The following C11orf54 variants were observed in gnomAD, a reference collection of about 807,000 sequenced individuals.
C11orf54 encodes beta-keto-L-gulonate decarboxylase.
In C11orf54, 29 loss-of-function variants were observed where a neutral mutation model predicts 35.5. That is an observed-to-expected ratio of 0.82 (90% confidence interval 0.61 to 1.11). The LOEUF is 1.11. Ranked by LOEUF, C11orf54 falls within the 50% of genes most tolerant of loss-of-function variation. The pLI, the probability that C11orf54 is intolerant of heterozygous loss-of-function variation, is 0.00. For missense variants in C11orf54, 373 were observed against 369.2 expected, an observed-to-expected ratio of 1.01 and a Z score of -0.08; for synonymous variants, 108 against 121.1, an observed-to-expected ratio of 0.89 and a Z score of 0.71.
Position 93,757,465 on chromosome 11 carries a change from GGTAAGA to G in C11orf54, c.657+2_657+7del. The G allele has an allele frequency of 6.3e-7, 1 of 1,597,184 alleles. No individual in the cohort carries two copies. Among genetic ancestry groups the G allele is most frequent in the Non-Finnish European group, 8.5e-7 (1 of 1,179,348 alleles). ...AGGGAAAAGTGAAGTCTCACATTAT[GGTAAGA>G]GCCCATGTGTGCATACATGCATGAA... On this transcript the variant is annotated splice_donor_variant and splice_donor_5th_base_variant and intron_variant, in intron 7 of 8. Coordinates refer to ENST00000354421, the MANE Select transcript of C11orf54 (RefSeq NM_001286069.2). LOFTEE classifies it high-confidence loss of function.
chr11:93,757,533 ATTTTTTT>A, intron 7 of C11orf54, 68 bp downstream of exon 7: 1 of 1,203,400 alleles, frequency 8.3e-7, no homozygotes, highest in Non-Finnish European at 1.1e-6. Flanking sequence ...AGATCTTAGG[ATTTTTTT>A]TTTTTTTTAA....
intron 1 of C11orf54, among the ~76,000 whole-genome samples, chr11:93,744,530 C>T (rs1342875546): frequency 6.6e-6 from 1 of 151,980 alleles, no homozygotes; most frequent in South Asian, 2.1e-4. Context: ...AAGTTAGTAC[C>T]CAATGTTTGC....
chr11:93,747,488 C>G (rs1942538692), intron 2 of C11orf54, 40 bp downstream of exon 2: 1 of 1,487,304 alleles, frequency 6.7e-7, no homozygotes, highest in Non-Finnish European at 9.2e-7. Flanking sequence ...AAAATTATCC[C>G]AAGAGAAAAT....
intron 1 of C11orf54, chr11:93,746,558 A>G (rs1942482291): frequency 6.6e-6 from 1 of 152,222 alleles, no homozygotes; most frequent in Non-Finnish European, 1.5e-5. Flanking sequence ...TTTAGTTGCA[A>G]TGATAGAAAA....
At chr11:93,753,134 C>T (rs528437365) in intron 3 of C11orf54, among the ~76,000 whole-genome samples, 10 of 152,060 alleles carry the variant, frequency 6.6e-5, no homozygotes, top group Non-Finnish European at 1.5e-4. Context: ...AGGCTCCCGC[C>T]ACCATGCCCA....
chr11:93,753,992 T>TGGAGCA lies in C11orf54; in HGVS notation c.294_299dup (p.Ala99_Gly100dup), dbSNP rs1214276830. The TGGAGCA allele has an allele frequency of 6.2e-7, 1 of 1,614,160 alleles. No individual in the cohort carries two copies. On this transcript the variant is annotated inframe_insertion, in exon 5 of 9. Coordinates refer to ENST00000354421, the MANE Select transcript of C11orf54 (RefSeq NM_001286069.2). The stretch of plus-strand genomic sequence containing the variant: ...TCAAGCTGCCTGGAGCCTTTATTCT[T>TGGAGCA]GGAGCAGGAGCAGGTCCATTTCAGA...
chr11:93,745,102 C>CA (rs1388937674), intron 1 of C11orf54, among the ~76,000 whole-genome samples: 1 of 152,222 alleles, frequency 6.6e-6, no homozygotes, highest in African/African-American at 2.4e-5. Flanking sequence ...ATCTCCCCTC[C>CA]AGCCACAGGG....
At chr11:93,757,188 C>T (rs1168192301) in intron 6 of C11orf54, 128 bp from the exon 7 acceptor site, 4 of 978,494 alleles carry the variant, frequency 4.1e-6, no homozygotes, top group Non-Finnish European at 5.8e-6. Context: ...TGCAACATCT[C>T]AACTCAGATC....
intron 3 of C11orf54, among the ~76,000 whole-genome samples, chr11:93,751,368 T>C (rs1340551302): frequency 6.6e-6 from 1 of 151,876 alleles, no homozygotes; most frequent in African/African-American, 2.4e-5. Context: ...TTTTAGCTTC[T>C]TCAAAGGATT....
At position 93,756,312 on chromosome 11, in the gene C11orf54, CA is replaced by C. The variant is rs35695203; in HGVS notation, c.507+944del. ...CCTGGGCAACATGGCAAGACCCTGT[CA>C]AAAAAAAAAAAAAAAAATTTTTTTT... On this transcript the variant is annotated intron_variant, in intron 6 of 8. Transcript: ENST00000354421. 4.1e-3 allele frequency among the ~76,000 whole-genome samples: 489 copies of C among 119,848 alleles called. 4 individuals carry two copies. Among genetic ancestry groups the C allele is most frequent in the African/African-American group, 0.013 (393 of 30,942 alleles). The allele number at this position is 119,848 out of a possible 152,430, so 78.6% of individuals were successfully genotyped here.
rs1004744063 is a variant in C11orf54 at position 93,761,446 on chromosome 11, A to T, written c.775-69A>T. On this transcript the variant is annotated intron_variant, in intron 8 of 8. Transcript: ENST00000354421. Reference sequence around the variant, plus strand: ...AAATAAAAACTATTGCAACGTAAAAAGTTATCCCTCCCCCTTAAACTCTAA... The same window carrying T: ...AAATAAAAACTATTGCAACGTAAAATGTTATCCCTCCCCCTTAAACTCTAA... The T allele has an allele frequency of 8.6e-5, 120 of 1,396,530 alleles. 1 individual carries two copies. Among genetic ancestry groups the T allele is most frequent in the Non-Finnish European group, 7.4e-5 (77 of 1,037,530 alleles). 86.5% of individuals were successfully genotyped at this position (1,396,530 alleles called of 1,614,324 possible).
intron 2 of C11orf54, among the ~76,000 whole-genome samples, chr11:93,749,521 A>AAC (rs1474831718): frequency 9.9e-5 from 15 of 151,154 alleles, no homozygotes; most frequent in South Asian, 2.1e-4. Flanking sequence ...AAAAAAAAAA[A>AAC]AAAAAACTGT....
In C11orf54 at chr11:93,753,728, C is replaced by G. The variant is rs375935743; in HGVS notation, c.201C>G (p.Tyr67Ter). The change falls in exon 4 of 9, where the codon TAC (tyrosine) becomes TAG (stop). Residue 67 changes from tyrosine to a stop codon, truncating the protein, a stop_gained. Transcript: ENST00000354421. LOFTEE classifies it high-confidence loss of function. Reference protein sequence around the residue: ...TRIAEVGGVPYLLPLVNQKKV... With the variant: ...TRIAEVGGVP ...TTGCAGAAGTTGGAGGTGTGCCTTA[C>G]TTATTGCCTCTTGTAAACCAAAAAA... 334 of 1,613,822 alleles carry G rather than the reference C, an allele frequency of 2.1e-4. No individual in the cohort carries two copies. The highest frequency in any genetic ancestry group is 2.7e-4 in the Non-Finnish European group (324 of 1,179,980).
At chr11:93,743,762 A>G (rs1392666499) in intron 1 of C11orf54, among the ~76,000 whole-genome samples, 1 of 152,168 alleles carries the variant, frequency 6.6e-6, no homozygotes, top group East Asian at 1.9e-4. Context: ...TGTGCACTCA[A>G]ATGGTAACCA....
At position 93,755,296 on chromosome 11, in the gene C11orf54, G is replaced by T. The variant is rs749840078; in HGVS notation, c.417G>T (p.Gly139=). 7 of 1,613,970 alleles carry T rather than the reference G, an allele frequency of 4.3e-6. No homozygotes were observed. The highest frequency in any genetic ancestry group is 5.9e-6 in the Non-Finnish European group (7 of 1,179,970). Residue 139 remains glycine, a synonymous_variant, in exon 6 of 9, where the codon GGG becomes GGT. Coordinates refer to ENST00000354421, the MANE Select transcript of C11orf54 (RefSeq NM_001286069.2). ...YFAHVNPADG[G]CLLEKYSEKC... ...CCCATGTGAACCCTGCAGATGGAGG[G>T]TGCCTACTGGAGAAATACAGTGAGA... is the stretch of plus-strand genomic sequence containing the variant.
intron 5 of C11orf54, among the ~76,000 whole-genome samples, chr11:93,754,497 A>G (rs1943024292): frequency 6.6e-6 from 1 of 152,158 alleles, no homozygotes; most frequent in South Asian, 2.1e-4. Context: ...TATTACTAGT[A>G]TATATTATTA....
intron 3 of C11orf54, among the ~76,000 whole-genome samples, chr11:93,751,135 C>CA (rs1555023372): frequency 6.6e-6 from 1 of 152,118 alleles, no homozygotes; most frequent in Non-Finnish European, 1.5e-5. Context: ...GATAAACACT[C>CA]AAAGTGTTCT....
At chr11:93,747,695 A>G (rs1942558340) in intron 2 of C11orf54, among the ~76,000 whole-genome samples, 1 of 152,154 alleles carries the variant, frequency 6.6e-6, no homozygotes, top group Non-Finnish European at 1.5e-5. Context: ...TCTTTCACTT[A>G]TAGATTATTG....
rs1943512917 is a variant in C11orf54, at chr11:93,762,236, T to G, written c.*548T>G. 1 of 152,234 alleles carries G rather than the reference T, an allele frequency of 6.6e-6. No homozygotes were observed. Among genetic ancestry groups the G allele is most frequent in the African/African-American group, 2.4e-5 (1 of 41,460 alleles). The allele number at this position is 152,234 out of a possible 1,614,324, so 9.4% of individuals were successfully genotyped here. The stretch of plus-strand genomic sequence containing the variant: ...GCAAATTAGTATCACAACTGCTAAG[T>G]AGATGTTTCTGAGTATTAGAAAAAT... On this transcript the variant is annotated 3_prime_UTR_variant, in exon 9 of 9. Transcript: ENST00000354421.
Sources: allele counts gnomAD v4.1 joint callset (sites outside exome capture counted in the v4.1 genomes callset), GRCh38; gene constraint gnomAD v4.1.1; transcripts MANE v1.5; gene names NCBI Gene and HGNC (gene_info 2026-07-23, HGNC 2026-07-21).